Variants in AP2B1 observed in about 807,000 individuals in gnomAD.
The protein encoded by AP2B1 is adaptor related protein complex 2 subunit beta 1.
In AP2B1, 23 loss-of-function variants were observed where a neutral mutation model predicts 102.0. That is an observed-to-expected ratio of 0.23 (90% CI 0.16 to 0.32). The LOEUF (loss-of-function observed/expected upper bound fraction) is 0.32. Ranked by LOEUF, AP2B1 falls within the 10% of genes least tolerant of loss-of-function variation. The pLI, the probability that AP2B1 is intolerant of heterozygous loss-of-function variation, is 1.00. For synonymous variants in AP2B1, 381 were observed against 421.2 expected (o/e 0.90, Z 1.17); for missense variants, 541 against 1,157.4 (o/e 0.47, Z 7.73).
chr17:35,619,588 A>G (rs1409062748), intron 5 of AP2B1, among the ~76,000 whole-genome samples: 1 of 152,122 alleles, frequency 6.6e-6, no homozygotes, highest in Non-Finnish European at 1.5e-5. Context: ...AGGATTGAGT[A>G]TGATTTTACA....
At chr17:35,656,205 A>G (rs868221851) in intron 13 of AP2B1, among the ~76,000 whole-genome samples, 17 of 152,282 alleles carry the variant, frequency 1.1e-4, no homozygotes, top group African/African-American at 3.8e-4. Context: ...TAGGTTTTCA[A>G]CTAGGTTTTA....
chr17:35,690,360 G>T (rs147174113), intron 18 of AP2B1, among the ~76,000 whole-genome samples: 1 of 152,146 alleles, frequency 6.6e-6, no homozygotes, highest in Non-Finnish European at 1.5e-5. Context: ...CTCTGTCTAC[G>T]ATAGAAAGGC....
chr17:35,640,386 A>G (rs1006939766), intron 11 of AP2B1, among the ~76,000 whole-genome samples: 6 of 147,888 alleles, frequency 4.1e-5, no homozygotes, highest in Admixed American at 1.4e-4. Flanking sequence ...ACAGGCATTC[A>G]CCATCACTCC....
At chr17:35,665,126 CTTTT>C (rs10635426) in intron 14 of AP2B1, among the ~76,000 whole-genome samples, 2 of 116,278 alleles carry the variant, frequency 1.7e-5, no homozygotes, top group Non-Finnish European at 1.7e-5. Context: ...TTTGGAATAG[CTTTT>C]TTTTTTTTTT....
chr17:35,604,938 G>T (rs570922607), intron 3 of AP2B1, among the ~76,000 whole-genome samples: 20 of 151,774 alleles, frequency 1.3e-4, no homozygotes, highest in Non-Finnish European at 2.5e-4. Context: ...GTTTTTTTTG[G>T]ATGGGGACAA....
intron 18 of AP2B1, among the ~76,000 whole-genome samples, chr17:35,694,471 G>C (rs971573749): frequency 1.4e-5 from 2 of 143,264 alleles, no homozygotes; most frequent in African/African-American, 5.2e-5. Flanking sequence ...ATGTTTCCCA[G>C]GCTGGTCTTG....
chr17:35,602,938 A>C (rs1283561057), intron 3 of AP2B1, among the ~76,000 whole-genome samples: 1 of 152,214 alleles, frequency 6.6e-6, no homozygotes, highest in African/African-American at 2.4e-5. Flanking sequence ...TGTTTTGTGC[A>C]TGAGCTAGTC....
intron 18 of AP2B1, among the ~76,000 whole-genome samples, chr17:35,696,424 T>C (rs1163414699): frequency 6.6e-6 from 1 of 151,008 alleles, no homozygotes; most frequent in Non-Finnish European, 1.5e-5. Context: ...TTTTTTTTTT[T>C]TTTTTTTTAA....
intron 14 of AP2B1, among the ~76,000 whole-genome samples, chr17:35,669,487 G>A (rs2075542124): frequency 6.6e-6 from 1 of 152,070 alleles, no homozygotes; most frequent in Admixed American, 6.6e-5. Context: ...TTCATCCCCT[G>A]TGCAACCATT....
chr17:35,705,719 G>A (rs1020600070), intron 18 of AP2B1, among the ~76,000 whole-genome samples: 1 of 151,984 alleles, frequency 6.6e-6, no homozygotes, highest in African/African-American at 2.4e-5. Flanking sequence ...ATGGAATTTT[G>A]CCTTGTTGGC....
chr17:35,717,748 C>A (rs781906291), intron 21 of AP2B1, among the ~76,000 whole-genome samples: 1 of 152,224 alleles, frequency 6.6e-6, no homozygotes, highest in Non-Finnish European at 1.5e-5. Flanking sequence ...AGTTCATGAC[C>A]TAAGGCTATC....
At chr17:35,594,170 T>G in intron 2 of AP2B1, 103 bp downstream of exon 2, 1 of 664,846 alleles carries the variant, frequency 1.5e-6, no homozygotes, top group Non-Finnish European at 2.5e-6. Flanking sequence ...GACATACATG[T>G]AGCTGACAAT....
At chr17:35,594,113 G>T (rs1160041246) in intron 2 of AP2B1, 46 bp downstream of exon 2, 1 of 1,410,270 alleles carries the variant, frequency 7.1e-7, no homozygotes. Context: ...TTCAAAAGTT[G>T]TAGTGTAAGA....
intron 8 of AP2B1, 43 bp downstream of exon 8, chr17:35,627,548 T>C (rs1342747040): frequency 6.2e-7 from 1 of 1,613,680 alleles, no homozygotes; most frequent in Admixed American, 1.7e-5. Context: ...ATTTAGCTCT[T>C]AAGGTCTGGC....
Position 35,641,861 on chromosome 17 carries a change from A to T in AP2B1, c.1438-16A>T. On this transcript the variant is annotated splice_polypyrimidine_tract_variant and intron_variant, in intron 11 of 21. Transcript: ENST00000610402. ...AGTGCCATTCTTTCACACTATCACA[A>T]ATTATGTCTGTTTAGGTGCAGCTCA... 1.3e-6 allele frequency: 2 copies of T among 1,585,692 alleles called. No individual in the cohort carries two copies. Among genetic ancestry groups the T allele is most frequent in the South Asian group, 2.3e-5 (2 of 88,648 alleles).
At chr17:35,668,122 G>C (rs1474431027) in intron 14 of AP2B1, among the ~76,000 whole-genome samples, 1 of 151,806 alleles carries the variant, frequency 6.6e-6, no homozygotes, top group East Asian at 1.9e-4. Flanking sequence ...ATTTTTAGTA[G>C]AGACGGGTTT....
chr17:35,643,970 T>A (rs895860157), intron 12 of AP2B1, among the ~76,000 whole-genome samples: 1 of 152,260 alleles, frequency 6.6e-6, no homozygotes, highest in Non-Finnish European at 1.5e-5. Context: ...ATGGAAACTA[T>A]GTAGGCCACT....
intron 5 of AP2B1, among the ~76,000 whole-genome samples, chr17:35,622,124 G>T (rs1800257148): frequency 6.6e-6 from 1 of 152,182 alleles, no homozygotes; most frequent in African/African-American, 2.4e-5. Flanking sequence ...CTTGATGATA[G>T]AGTTAGCAAA....
chr17:35,674,387 A>G (rs1480902299), intron 17 of AP2B1, 66 bp downstream of exon 17: 1 of 1,578,192 alleles, frequency 6.3e-7, no homozygotes, highest in Non-Finnish European at 8.7e-7. Context: ...ACAAGAGAAC[A>G]TTCCATTTAG....
Sources: allele counts gnomAD v4.1 joint callset (sites outside exome capture counted in the v4.1 genomes callset), GRCh38; gene constraint gnomAD v4.1.1; transcripts MANE v1.5; gene names NCBI Gene and HGNC (gene_info 2026-07-23, HGNC 2026-07-21).